C9orf85: variants seen among roughly 807,000 people sequenced by gnomAD.
C9orf85 encodes chromosome 9 open reading frame 85, also known as uncharacterized protein C9orf85.
A neutral mutation model predicts 14.9 loss-of-function variants in C9orf85; 16 were observed. The observed-to-expected ratio is 1.08, with a 90% CI of 0.73 to 1.63. The LOEUF is 1.63. Among genes scored for constraint, C9orf85 ranks in the 40% most tolerant of loss-of-function variants. The pLI is 0.00. For synonymous variants in C9orf85, 45 were observed against 56.8 expected, an observed-to-expected ratio of 0.79 and a Z score of 0.93; for missense variants, 172 against 186.1, an observed-to-expected ratio of 0.92 and a Z score of 0.44.
intron 2 of C9orf85, among the ~76,000 whole-genome samples, chr9:71,963,477 T>G (rs1170445305): frequency 6.6e-6 from 1 of 152,156 alleles, no homozygotes; most frequent in Admixed American, 6.5e-5. Flanking sequence ...TGCATTGTGG[T>G]AGCCCCTTTC....
downstream of C9orf85, among the ~76,000 whole-genome samples, chr9:71,975,731 C>A (rs935267327): frequency 1.3e-5 from 2 of 152,168 alleles, no homozygotes; most frequent in Non-Finnish European, 2.9e-5. Context: ...AGTCCGGAGG[C>A]TGAGGCAGGA....
intron 1 of C9orf85, among the ~76,000 whole-genome samples, chr9:71,913,002 A>G (rs949191324): frequency 1.3e-5 from 2 of 152,226 alleles, no homozygotes; most frequent in African/African-American, 4.8e-5. Flanking sequence ...CATCACTCAG[A>G]TAAACCTAAT....
chr9:71,976,149 T>A (rs1393462072), downstream of C9orf85, among the ~76,000 whole-genome samples: 2 of 152,220 alleles, frequency 1.3e-5, no homozygotes, highest in African/African-American at 4.8e-5. Flanking sequence ...GAATTAACCC[T>A]TCTAGTCCAA....
At chr9:71,942,148 T>C (rs543037318) in intron 1 of C9orf85, among the ~76,000 whole-genome samples, 11 of 152,354 alleles carry the variant, frequency 7.2e-5, no homozygotes, top group African/African-American at 2.2e-4. Flanking sequence ...ACCTACATTG[T>C]ACACCTAAGA....
chr9:71,947,180 A>G (rs1822120235), intron 2 of C9orf85, 68 bp downstream of exon 2: 1 of 1,052,814 alleles, frequency 9.5e-7, no homozygotes, highest in South Asian at 1.7e-5. Context: ...TCATTTCCTG[A>G]TTTTCAAAAT....
At chr9:71,978,154 G>C (rs1046609673), downstream of C9orf85, among the ~76,000 whole-genome samples, 1 of 152,198 alleles carries the variant, frequency 6.6e-6, no homozygotes, top group African/African-American at 2.4e-5. Flanking sequence ...GTGTCACCCA[G>C]GCTGGAGTGC....
intron 1 of C9orf85, among the ~76,000 whole-genome samples, chr9:71,918,969 C>T (rs1409124268): frequency 6.6e-6 from 1 of 151,540 alleles, no homozygotes; most frequent in African/African-American, 2.4e-5. Flanking sequence ...CCACAAACCC[C>T]GTTTCTGGTG....
At chr9:71,985,649 C>T (rs1823198716), downstream of C9orf85, 1 of 152,234 alleles carries the variant, frequency 6.6e-6, no homozygotes, top group African/African-American at 2.4e-5. Context: ...CCAATCCTGG[C>T]CTCTTCCTCC....
rs570992507 is a variant in C9orf85 at position 71,938,138 on chromosome 9, T to C, written c.103-8868T>C. On this transcript the variant is annotated intron_variant, in intron 1 of 3. Coordinates refer to ENST00000334731, the MANE Select transcript of C9orf85 (RefSeq NM_182505.5). ...TTTTTGAGGATAGTACACATGCAAA[T>C]TATTACTTCATATCACATTTTAAAA... Among the ~76,000 whole-genome samples, 5 of 152,200 alleles carry C rather than the reference T, an allele frequency of 3.3e-5. No homozygotes were observed. The South Asian group carries it at 1.0e-3, about 32-fold the overall frequency.
intron 1 of C9orf85, among the ~76,000 whole-genome samples, chr9:71,943,297 CTT>C (rs1821989420): frequency 1.3e-5 from 2 of 151,404 alleles, no homozygotes; most frequent in African/African-American, 4.9e-5. Flanking sequence ...GTAAACAGGC[CTT>C]TGTTTTACCT....
chr9:71,961,984 G>C (rs1454091120), intron 2 of C9orf85, among the ~76,000 whole-genome samples: 3 of 152,124 alleles, frequency 2.0e-5, no homozygotes, highest in Non-Finnish European at 2.9e-5. Flanking sequence ...GGGCAACATA[G>C]TGAGACCCTG....
intron 1 of C9orf85, among the ~76,000 whole-genome samples, chr9:71,933,862 A>C (rs1828127942): frequency 6.6e-6 from 1 of 152,058 alleles, no homozygotes; most frequent in Non-Finnish European, 1.5e-5. Flanking sequence ...GCCAGAGCTA[A>C]CTTTTTTTTT....
At position 71,971,587 on chromosome 9, in the gene C9orf85, A is replaced by G; in HGVS notation, c.292A>G (p.Lys98Glu). The change falls in exon 3 of 4, where the codon AAA (lysine) becomes GAA (glutamate). Residue 98 changes from lysine to glutamate, a missense_variant. Transcript: ENST00000334731. The part of the protein sequence containing the change: ...PCACELEVCA[K>E]CGKKEDIVIP... ...TGCCTGTGAACTTGAAGTTTGCGCA[A>G]AATGTGGAAAGAAAGAAGACATTGT... 1 of 1,612,164 alleles carries G rather than the reference A, an allele frequency of 6.2e-7. No individual in the cohort carries two copies. Among genetic ancestry groups the G allele is most frequent in the Non-Finnish European group, 8.5e-7 (1 of 1,178,654 alleles).
At chr9:71,964,412 C>T (rs572881659) in intron 2 of C9orf85, among the ~76,000 whole-genome samples, 138 of 152,270 alleles carry the variant, frequency 9.1e-4, no homozygotes, top group African/African-American at 3.2e-3. Flanking sequence ...TGGGTCTACA[C>T]TGCCTTTATA....
chr9:71,924,161 G>A (rs1444500924), intron 1 of C9orf85, among the ~76,000 whole-genome samples: 2 of 152,104 alleles, frequency 1.3e-5, no homozygotes, highest in Non-Finnish European at 2.9e-5. Context: ...GTCCCTGTAG[G>A]GTTTTTTGGC....
intron 2 of C9orf85, among the ~76,000 whole-genome samples, chr9:71,969,983 C>T (rs1267540517): frequency 6.1e-5 from 9 of 148,706 alleles, no homozygotes; most frequent in South Asian, 2.1e-4. Context: ...TCACTCTTGT[C>T]GCCCAGGCTG....
intron 2 of C9orf85, among the ~76,000 whole-genome samples, chr9:71,949,544 C>T (rs1200746526): frequency 6.6e-6 from 1 of 152,098 alleles, no homozygotes; most frequent in Non-Finnish European, 1.5e-5. Context: ...TTTCCTTCTA[C>T]CAGTCTAAGT....
At chr9:71,945,722 G>A (rs1369641324) in intron 1 of C9orf85, among the ~76,000 whole-genome samples, 1 of 152,162 alleles carries the variant, frequency 6.6e-6, no homozygotes, top group Non-Finnish European at 1.5e-5. Context: ...TGTAAACATT[G>A]TGCTTTTAAC....
chr9:71,966,390 GT>G (rs890908266), intron 2 of C9orf85, among the ~76,000 whole-genome samples: 1 of 152,074 alleles, frequency 6.6e-6, no homozygotes, highest in Non-Finnish European at 1.5e-5. Flanking sequence ...CATTTCTGAA[GT>G]TTTCTTAGCA....
Sources: allele counts gnomAD v4.1 joint callset (sites outside exome capture counted in the v4.1 genomes callset), GRCh38; gene constraint gnomAD v4.1.1; transcripts MANE v1.5; gene names NCBI Gene and HGNC (gene_info 2026-07-23, HGNC 2026-07-21).